The following STARD3NL variants were observed in gnomAD, a reference collection of about 807,000 sequenced individuals.
STARD3NL encodes STARD3 N-terminal like.
STARD3NL carries 17 observed loss-of-function variants against 30.9 expected under a neutral mutation model. That is an observed-to-expected ratio of 0.55 (90% confidence interval 0.38 to 0.82). The LOEUF (loss-of-function observed/expected upper bound fraction) is 0.82, where lower values mean the gene tolerates loss of function less well. STARD3NL is among the 40% of genes least tolerant of loss of function. The pLI is 0.00. For synonymous variants in STARD3NL, 112 were observed against 100.5 expected (o/e 1.11, Z -0.69); for missense variants, 234 against 277.6 (o/e 0.84, Z 1.12).
chr7:38,209,813 G>T (rs183983355), intron 2 of STARD3NL, among the ~76,000 whole-genome samples: 3 of 152,266 alleles, frequency 2.0e-5, no homozygotes, highest in Admixed American at 1.3e-4. Context: ...GAAGTAGGCT[G>T]CCCCCTGTTC....
chr7:38,216,693 A>G (rs1401057749), intron 4 of STARD3NL: 1 of 296,724 alleles, frequency 3.4e-6, no homozygotes, highest in African/African-American at 2.1e-5. Context: ...AGCCCTACCT[A>G]TGCACTTTAC....
chr7:38,186,449 T>G (rs111795758), intron 1 of STARD3NL, among the ~76,000 whole-genome samples: 15 of 152,228 alleles, frequency 9.9e-5, no homozygotes, highest in African/African-American at 3.6e-4. Flanking sequence ...AAGGAAAAAT[T>G]GGGTTACAAA....
At chr7:38,222,141 TCA>T (rs3223376) in intron 7 of STARD3NL, among the ~76,000 whole-genome samples, 1,537 of 144,250 alleles carry the variant, frequency 0.011, 19 homozygotes, top group Middle Eastern at 0.032. Context: ...GTTAATATTT[TCA>T]CACACACACA....
At chr7:38,182,727 G>A (rs766853572) in intron 1 of STARD3NL, among the ~76,000 whole-genome samples, 149 of 152,328 alleles carry the variant, frequency 9.8e-4, no homozygotes, top group Non-Finnish European at 1.4e-3. Flanking sequence ...CTGACTCTGA[G>A]CTATTTAAGC....
chr7:38,214,290 A>C, intron 2 of STARD3NL, 67 bp from the exon 3 acceptor site: 2 of 1,045,208 alleles, frequency 1.9e-6, no homozygotes, highest in Non-Finnish European at 2.9e-6. Flanking sequence ...TTGGATAGGA[A>C]ATCTTACCTT....
chr7:38,205,611 T>C (rs1213397032), intron 1 of STARD3NL, among the ~76,000 whole-genome samples: 6 of 146,924 alleles, frequency 4.1e-5, no homozygotes, highest in Non-Finnish European at 8.9e-5. Context: ...TAAAGTCTTT[T>C]AATATGGATT....
chr7:38,215,324 A>G (rs937918579), intron 4 of STARD3NL: 1 of 514,002 alleles, frequency 1.9e-6, no homozygotes, highest in Non-Finnish European at 3.4e-6. Context: ...GCTGAGCCAA[A>G]TGAGGAATCT....
At chr7:38,206,555 G>T (rs1023919776) in intron 1 of STARD3NL, among the ~76,000 whole-genome samples, 1 of 152,134 alleles carries the variant, frequency 6.6e-6, no homozygotes, top group African/African-American at 2.4e-5. Context: ...GTCTTGAGGG[G>T]CCTGCATCTC....
At chr7:38,206,353 A>G (rs1268466560) in intron 1 of STARD3NL, among the ~76,000 whole-genome samples, 1 of 152,184 alleles carries the variant, frequency 6.6e-6, no homozygotes, top group African/African-American at 2.4e-5. Context: ...GTTCATGGCT[A>G]AAGAACAGAT....
rs1005342343 is a variant in STARD3NL, at chr7:38,217,046, G to A, written c.403G>A (p.Ala135Thr). ...GCAGTTGACAACGGCAGTGACCAGT[G>A]CCTTTTTACTAGCAAAAGTGATCCT... The part of the protein sequence containing the change: ...AIALTTAVTS[A>T]FLLAKVILSK... The change falls in exon 5 of 9, where the codon GCC (alanine) becomes ACC (threonine). Residue 135 changes from alanine to threonine, a missense_variant. Ala to Thr is a moderately conservative substitution (Grantham distance 58, BLOSUM62 0). Coordinates refer to ENST00000009041, the MANE Select transcript of STARD3NL (RefSeq NM_032016.4). 6.2e-7 allele frequency: 1 copy of A among 1,613,982 alleles called. No homozygotes were observed. Among genetic ancestry groups the A allele is most frequent in the Admixed American group, 1.7e-5 (1 of 59,996 alleles).
At chr7:38,187,843 T>C (rs1051527834) in intron 1 of STARD3NL, among the ~76,000 whole-genome samples, 8 of 152,178 alleles carry the variant, frequency 5.3e-5, no homozygotes, top group Admixed American at 3.3e-4. Context: ...GCTTCCCGCT[T>C]TCACTAAATA....
At chr7:38,182,436 A>G (rs1362862223) in intron 1 of STARD3NL, among the ~76,000 whole-genome samples, 4 of 152,172 alleles carry the variant, frequency 2.6e-5, no homozygotes. Context: ...AATATTATAG[A>G]TGAGAAAACT....
intron 7 of STARD3NL, among the ~76,000 whole-genome samples, chr7:38,222,470 C>A (rs1165495581): frequency 6.6e-6 from 1 of 152,162 alleles, no homozygotes; most frequent in Non-Finnish European, 1.5e-5. Flanking sequence ...TAGGACTTTA[C>A]TCTTTGAAAA....
intron 2 of STARD3NL, 127 bp downstream of exon 2, chr7:38,207,856 T>C: frequency 1.2e-6 from 1 of 867,120 alleles, no homozygotes. Flanking sequence ...AAGCCATTGC[T>C]TTTCTCCTCC....
At chr7:38,213,833 A>T (rs1785947787) in intron 2 of STARD3NL, among the ~76,000 whole-genome samples, 1 of 152,222 alleles carries the variant, frequency 6.6e-6, no homozygotes, top group Admixed American at 6.5e-5. Flanking sequence ...TAAATTGATA[A>T]AAGTGCAGAA....
At position 38,207,776 on chromosome 7, in the gene STARD3NL, A is replaced by G. The variant is rs142795731; in HGVS notation, c.225+47A>G. ...AACTTTTTAAGAAGTGTTTCCAGAG[A>G]CAACAGGGTTTTTTTGTTCGTTTCT... is the stretch of plus-strand genomic sequence containing the variant. On this transcript the variant is annotated intron_variant, in intron 2 of 8. Transcript: ENST00000009041. 662 of 1,551,186 alleles carry G rather than the reference A, an allele frequency of 4.3e-4. 3 individuals are homozygous for G. The African/African-American group carries it at 7.7e-3, about 18-fold the overall frequency.
At chr7:38,189,897 A>T (rs1234217917) in intron 1 of STARD3NL, among the ~76,000 whole-genome samples, 2 of 152,210 alleles carry the variant, frequency 1.3e-5, no homozygotes, top group Non-Finnish European at 2.9e-5. Flanking sequence ...TACAAAATTC[A>T]TATGCATTCT....
chr7:38,182,887 T>A (rs973425103), intron 1 of STARD3NL, among the ~76,000 whole-genome samples: 1 of 152,190 alleles, frequency 6.6e-6, no homozygotes, highest in Non-Finnish European at 1.5e-5. Context: ...ATCTGGAGTT[T>A]GGAGGAATCT....
chr7:38,225,092 T>A (rs914497908), intron 7 of STARD3NL, among the ~76,000 whole-genome samples: 6 of 152,182 alleles, frequency 3.9e-5, no homozygotes. Flanking sequence ...TTTGTATGTT[T>A]GTAGTGATAC....
Sources: allele counts gnomAD v4.1 joint callset (sites outside exome capture counted in the v4.1 genomes callset), GRCh38; gene constraint gnomAD v4.1.1; transcripts MANE v1.5; gene names NCBI Gene and HGNC (gene_info 2026-07-23, HGNC 2026-07-21).